The following AMOTL1 variants were observed in gnomAD, a reference collection of about 807,000 sequenced individuals.
The protein encoded by AMOTL1 is angiomotin-like protein 1.
In AMOTL1, 45 loss-of-function variants were observed where a neutral mutation model predicts 102.9. The ratio of observed to expected loss-of-function variants is 0.44; its 90% CI spans 0.34 to 0.56. AMOTL1 has a LOEUF of 0.56. AMOTL1 is among the 20% of genes least tolerant of loss of function. The probability of loss-of-function intolerance (pLI) is 0.01; values close to 1 mark genes in which losing one functional copy is unlikely to be tolerated. For missense variants in AMOTL1, 1,114 were observed against 1,225.6 expected, an observed-to-expected ratio of 0.91 and a Z score of 1.36; for synonymous variants, 481 against 484.7, an observed-to-expected ratio of 0.99 and a Z score of 0.10.
intron 3 of AMOTL1, among the ~76,000 whole-genome samples, chr11:94,811,463 T>C (rs1328994409): frequency 6.6e-6 from 1 of 151,846 alleles, no homozygotes; most frequent in African/African-American, 2.4e-5. Context: ...GCCACTGCAC[T>C]CCAGCCTGGG....
chr11:94,819,575 T>A (rs1460799798), intron 3 of AMOTL1, among the ~76,000 whole-genome samples: 1 of 152,224 alleles, frequency 6.6e-6, no homozygotes, highest in Non-Finnish European at 1.5e-5. Context: ...TATCTACCTA[T>A]GACCTAGAAG....
intron 5 of AMOTL1, 89 bp from the exon 6 acceptor site, chr11:94,831,363 C>A: frequency 2.7e-6 from 3 of 1,098,086 alleles, no homozygotes; most frequent in Non-Finnish European, 4.0e-6. Flanking sequence ...CTCTTCCTCC[C>A]CAGCTCTTGG....
chr11:94,856,453 G>A, intron 8 of AMOTL1, among the ~76,000 whole-genome samples: 1 of 138,862 alleles, frequency 7.2e-6, no homozygotes, highest in African/African-American at 3.4e-5. Context: ...CTGTGGGCTG[G>A]TCTGGGGGGC....
intron 3 of AMOTL1, among the ~76,000 whole-genome samples, chr11:94,741,274 G>A (rs559016000): frequency 6.6e-6 from 1 of 152,206 alleles, no homozygotes; most frequent in South Asian, 2.1e-4. Context: ...GTTCGTCTGG[G>A]GCAGTGGTGC....
chr11:94,864,250 C>CAATAATAAT (rs143730804), intron 9 of AMOTL1, among the ~76,000 whole-genome samples: 52 of 150,194 alleles, frequency 3.5e-4, no homozygotes, highest in African/African-American at 1.2e-3. Context: ...CCAACAAATA[C>CAATAATAAT]AATAATAATA....
intron 1 of AMOTL1, among the ~76,000 whole-genome samples, chr11:94,707,242 CTCTCTCTCTGTGTGTGTGTG>C (rs757765541): frequency 5.9e-5 from 3 of 50,592 alleles, no homozygotes; most frequent in Admixed American, 2.6e-4. Flanking sequence ...CTCTCTCTCT[CTCTCTCTCTGTGTGTGTGTG>C]TGTGTGTGTG....
Position 94,819,268 on chromosome 11 carries a change from A to C in AMOTL1, c.1122-2262A>C, listed in dbSNP as rs557343634. Among the ~76,000 whole-genome samples the C allele has an allele frequency of 6.4e-4, 97 of 152,330 alleles. No individual in the cohort carries two copies. In the Middle Eastern group the frequency reaches 0.014, roughly 21 times the overall value. ...GTCAAGCTGGGAACTGCATCAGGCA[A>C]ACCTGCCTCACATTTTATTCTTAAA... On this transcript the variant is annotated intron_variant, in intron 3 of 12. Coordinates refer to ENST00000433060, the MANE Select transcript of AMOTL1 (RefSeq NM_130847.3).
intron 1 of AMOTL1, among the ~76,000 whole-genome samples, chr11:94,723,329 G>A (rs796249600): frequency 6.6e-6 from 1 of 152,090 alleles, no homozygotes; most frequent in Non-Finnish European, 1.5e-5. Context: ...AGGTCTGCCT[G>A]GTAGGGTTTC....
At chr11:94,725,528 A>G (rs1176327443) in intron 1 of AMOTL1, among the ~76,000 whole-genome samples, 1 of 152,164 alleles carries the variant, frequency 6.6e-6, no homozygotes, top group African/African-American at 2.4e-5. Context: ...ATAAGATAGG[A>G]TCTTTACTCT....
At chr11:94,769,628 C>T (rs928161835) in intron 1 of AMOTL1, among the ~76,000 whole-genome samples, 1 of 152,186 alleles carries the variant, frequency 6.6e-6, no homozygotes, top group African/African-American at 2.4e-5. Context: ...GTGTTGGTTT[C>T]CTGTCTCCGC....
chr11:94,832,739 C>G (rs555503538), intron 6 of AMOTL1, among the ~76,000 whole-genome samples: 1 of 152,358 alleles, frequency 6.6e-6, no homozygotes, highest in East Asian at 1.9e-4. Flanking sequence ...GTTGTCTTTA[C>G]TACTTGCATT....
chr11:94,768,645 C>T (rs888094354), intron 1 of AMOTL1, 85 bp downstream of exon 1: 33 of 1,538,380 alleles, frequency 2.1e-5, no homozygotes, highest in Non-Finnish European at 2.8e-5. Flanking sequence ...TCCCCGGGCC[C>T]CTGCTGCTCA....
intron 1 of AMOTL1, among the ~76,000 whole-genome samples, chr11:94,790,319 T>G (rs1951261664): frequency 6.6e-6 from 1 of 152,216 alleles, no homozygotes; most frequent in African/African-American, 2.4e-5. Flanking sequence ...AACACCAGCC[T>G]ATTAAATGAC....
rs181704151 is a variant in AMOTL1 at position 94,815,361 on chromosome 11, A to G, written c.1122-6169A>G. 8.3e-3 allele frequency among the ~76,000 whole-genome samples: 1,266 copies of G among 152,114 alleles called. 12 individuals are homozygous for G. The highest frequency in any genetic ancestry group is 0.021 in the Middle Eastern group (6 of 292). On this transcript the variant is annotated intron_variant, in intron 3 of 12. Transcript: ENST00000433060. ...ATTGGCAAAAACAAACAAAAAAAAAATTTGTCTAATGTTAAGGTTCTTAGG... is the reference window on the plus strand; with the variant it reads ...ATTGGCAAAAACAAACAAAAAAAAAGTTTGTCTAATGTTAAGGTTCTTAGG...
chr11:94,744,679 T>C (rs987490499), intron 3 of AMOTL1, among the ~76,000 whole-genome samples: 2 of 152,210 alleles, frequency 1.3e-5, no homozygotes, highest in African/African-American at 4.8e-5. Context: ...TAAGCACTAT[T>C]TATTTCTGCA....
At chr11:94,808,717 G>A (rs1436015194) in intron 3 of AMOTL1, among the ~76,000 whole-genome samples, 1 of 152,024 alleles carries the variant, frequency 6.6e-6, no homozygotes, top group Non-Finnish European at 1.5e-5. Context: ...AGCTCTCACT[G>A]TTCAATAGAA....
intron 7 of AMOTL1, among the ~76,000 whole-genome samples, chr11:94,853,512 G>A (rs2135715717): frequency 6.6e-6 from 1 of 152,272 alleles, no homozygotes; most frequent in South Asian, 2.1e-4. Flanking sequence ...GTATTCCATG[G>A]TGTATATGTA....
intron 3 of AMOTL1, among the ~76,000 whole-genome samples, chr11:94,816,087 T>C (rs1286249548): frequency 3.9e-5 from 6 of 152,220 alleles, no homozygotes; most frequent in Non-Finnish European, 7.3e-5. Flanking sequence ...TTTTAAGATA[T>C]TGATTTACCC....
intron 2 of AMOTL1, among the ~76,000 whole-genome samples, chr11:94,736,780 G>T (rs1950444580): frequency 6.6e-6 from 1 of 152,096 alleles, no homozygotes; most frequent in Admixed American, 6.5e-5. Flanking sequence ...CTTTATAAGA[G>T]ACCTATAAAA....
Sources: gnomAD v4.1 joint callset for allele counts (sites outside exome capture counted in the v4.1 genomes callset) on GRCh38, gnomAD v4.1.1 for gene constraint, MANE v1.5 for transcripts, NCBI Gene and HGNC (gene_info 2026-07-23, HGNC 2026-07-21) for gene names.